The following TK2 variants were observed in gnomAD, a reference collection of about 807,000 sequenced individuals.
TK2 encodes the protein thymidine kinase 2.
In TK2, 35 loss-of-function variants were observed where a neutral mutation model predicts 41.9. That is an observed-to-expected ratio of 0.84 (90% confidence interval 0.64 to 1.11). The LOEUF is 1.11. Ranked by LOEUF, TK2 falls within the 50% of genes least tolerant of loss-of-function variation. TK2 has a pLI of 0.00. For synonymous variants in TK2, 128 were observed against 129.1 expected, an observed-to-expected ratio of 0.99 and a Z score of 0.06; for missense variants, 320 against 351.1, an observed-to-expected ratio of 0.91 and a Z score of 0.71.
At chr16:66,519,578 C>T (rs1351649557) in intron 6 of TK2, among the ~76,000 whole-genome samples, 9 of 152,176 alleles carry the variant, frequency 5.9e-5, no homozygotes, top group Admixed American at 5.9e-4. Flanking sequence ...GGCATCTATT[C>T]CTGGTATTCC....
Position 66,550,079 on chromosome 16 carries a change from C to G in TK2, c.-18G>C. ...AGCAGCATAGCCGGGCGAGCGGATC[C>G]AGAGGCCCGGGGTTCCTTCTTGTGC... On this transcript the variant is annotated 5_prime_UTR_variant, in exon 1 of 10. Coordinates refer to ENST00000544898, the MANE Select transcript of TK2 (RefSeq NM_004614.5). 1 of 1,598,560 alleles carries G rather than the reference C, an allele frequency of 6.3e-7. No homozygotes were observed. Among genetic ancestry groups the G allele is most frequent in the South Asian group, 1.1e-5 (1 of 88,804 alleles).
At chr16:66,538,905 G>A (rs923866087) in intron 3 of TK2, among the ~76,000 whole-genome samples, 4 of 152,146 alleles carry the variant, frequency 2.6e-5, no homozygotes, top group African/African-American at 9.7e-5. Flanking sequence ...GGATCTGGCT[G>A]TATCATACAC....
intron 1 of TK2, 159 bp from the exon 2 acceptor site, chr16:66,549,168 A>G (rs1276416291): frequency 6.7e-7 from 1 of 1,492,840 alleles, no homozygotes; most frequent in African/African-American, 1.4e-5. Context: ...GGCGCGCACC[A>G]CCGTCTCGCC....
chr16:66,529,436 T>C (rs1965040463), intron 5 of TK2, among the ~76,000 whole-genome samples: 1 of 152,216 alleles, frequency 6.6e-6, no homozygotes, highest in Non-Finnish European at 1.5e-5. Flanking sequence ...AGGCAACATG[T>C]GGTGACTACC....
chr16:66,530,384 C>T (rs981411083), intron 5 of TK2, among the ~76,000 whole-genome samples: 1 of 152,170 alleles, frequency 6.6e-6, no homozygotes, highest in Non-Finnish European at 1.5e-5. Flanking sequence ...CTCCACAGCC[C>T]CCTTTCTTCT....
intron 6 of TK2, among the ~76,000 whole-genome samples, chr16:66,520,983 G>A (rs1175338681): frequency 6.6e-6 from 1 of 152,200 alleles, no homozygotes; most frequent in African/African-American, 2.4e-5. Flanking sequence ...GCACCAAAGG[G>A]GTGGGGCCAG....
At chr16:66,537,726 T>C (rs1321977510) in intron 3 of TK2, among the ~76,000 whole-genome samples, 2 of 152,190 alleles carry the variant, frequency 1.3e-5, no homozygotes, top group Admixed American at 1.3e-4. Context: ...TATGCAGGTG[T>C]GTGCTAGAAA....
chr16:66,523,833 A>AAAAAAAC (rs940780661), intron 6 of TK2, among the ~76,000 whole-genome samples: 9 of 152,102 alleles, frequency 5.9e-5, no homozygotes, highest in Non-Finnish European at 8.8e-5. Context: ...TCTCAAAATC[A>AAAAAAAC]AAAAAACAAA....
chr16:66,545,109 A>G (rs1965567393), intron 2 of TK2, among the ~76,000 whole-genome samples: 1 of 152,076 alleles, frequency 6.6e-6, no homozygotes, highest in Non-Finnish European at 1.5e-5. Flanking sequence ...AAAAAAAAAA[A>G]AAGAAATACA....
chr16:66,547,254 G>A (rs183756847), intron 2 of TK2, among the ~76,000 whole-genome samples: 6 of 151,996 alleles, frequency 3.9e-5, no homozygotes, highest in Admixed American at 6.6e-5. Context: ...ACTCAGCTGC[G>A]GGCTCTGTGC....
chr16:66,545,979 A>G lies in TK2; in HGVS notation c.156+2999T>C, dbSNP rs552529806. On this transcript the variant is annotated intron_variant, in intron 2 of 9. Coordinates refer to ENST00000544898, the MANE Select transcript of TK2 (RefSeq NM_004614.5). Reference sequence around the variant, plus strand: ...CACCTGGGGCCAGAAGAGATTGCAAATGGGCACAAGGTTTCTTTTTGGAGT... The same window carrying G: ...CACCTGGGGCCAGAAGAGATTGCAAGTGGGCACAAGGTTTCTTTTTGGAGT... Among the ~76,000 whole-genome samples, 28 of 152,294 alleles carry G rather than the reference A, an allele frequency of 1.8e-4. No individual in the cohort carries two copies. The South Asian group carries it at 5.8e-3, about 32-fold the overall frequency.
chr16:66,533,718 A>T (rs1965189551), intron 4 of TK2, among the ~76,000 whole-genome samples: 1 of 152,030 alleles, frequency 6.6e-6, no homozygotes, highest in Non-Finnish European at 1.5e-5. Context: ...TTAAGAAATG[A>T]CTGGATCGGC....
At position 66,550,041 on chromosome 16, in the gene TK2, C is replaced by T. The variant is rs1308052078; in HGVS notation, c.21G>A (p.Arg7=). Residue 7 remains arginine (R), a synonymous_variant, in exon 1 of 10, where the codon CGG becomes CGA. Transcript: ENST00000544898. The part of the protein sequence containing the change: MLLWPL[R]GWAARALRCF... ...AGCGCAGCGCCCGGGCGGCCCAGCC[C>T]CGCAGCGGCCACAGCAGCATAGCCG... The T allele has an allele frequency of 1.9e-6, 3 of 1,563,282 alleles. No homozygotes were observed. The highest frequency in any genetic ancestry group is 2.6e-6 in the Non-Finnish European group (3 of 1,155,478).
rs1374465396 is a variant in TK2, at chr16:66,548,981, T to C, written c.153A>G (p.Ser51=). 4.3e-6 allele frequency: 7 copies of C among 1,613,348 alleles called. No individual in the cohort carries two copies. The highest frequency in any genetic ancestry group is 5.9e-6 in the Non-Finnish European group (7 of 1,179,420). ...TACACATAAAAGAGGGACTTACCAC[T>C]GATTTTTTCTCTTTTTCCTGTTCTT... The part of the protein sequence containing the change: ...PDKEQEKEKK[S]VICVEGNIAS... The change falls in exon 2 of 10, where the codon TCA becomes TCG. Residue 51 remains serine (S), a synonymous_variant. Coordinates refer to ENST00000544898, the MANE Select transcript of TK2 (RefSeq NM_004614.5).
intron 4 of TK2, among the ~76,000 whole-genome samples, chr16:66,533,335 CAAA>C (rs57612451): frequency 1.0e-3 from 46 of 45,106 alleles, no homozygotes; most frequent in African/African-American, 2.7e-3. Context: ...GACTCCATCT[CAAA>C]AAAAAAAAAA....
rs1017394610 is a variant in TK2 at position 66,508,684 on chromosome 16, G to A, written c.*3284C>T. 7.2e-5 allele frequency: 11 copies of A among 152,242 alleles called. No individual in the cohort carries two copies. Among genetic ancestry groups the A allele is most frequent in the Non-Finnish European group, 1.2e-4 (8 of 68,052 alleles). 9.4% of individuals were successfully genotyped at this position (152,242 alleles called of 1,614,324 possible). A position where few individuals can be genotyped will look rare whatever the true frequency, so the allele number is the denominator to read the frequency against. On this transcript the variant is annotated 3_prime_UTR_variant, in exon 10 of 10. Transcript: ENST00000544898. ...GGTTTAAATGGCACCACCGTCACTCGGGTCTAATGGTGCATGTCTGCAGGA... is the reference window on the plus strand; with the variant it reads ...GGTTTAAATGGCACCACCGTCACTCAGGTCTAATGGTGCATGTCTGCAGGA...
chr16:66,538,006 T>C (rs185093082), intron 3 of TK2, among the ~76,000 whole-genome samples: 66 of 152,076 alleles, frequency 4.3e-4, no homozygotes, highest in Admixed American at 2.9e-3. Context: ...CTACTAAAAA[T>C]ACAAAAATTA....
chr16:66,527,658 G>C (rs1456056944), intron 6 of TK2, among the ~76,000 whole-genome samples: 1 of 152,190 alleles, frequency 6.6e-6, no homozygotes, highest in Non-Finnish European at 1.5e-5. Flanking sequence ...TGCCATTTTT[G>C]TAGGTCATAA....
intron 6 of TK2, among the ~76,000 whole-genome samples, chr16:66,521,308 G>A (rs1964773456): frequency 3.3e-5 from 5 of 152,212 alleles, no homozygotes; most frequent in Admixed American, 3.3e-4. Context: ...CGGTGGCTCT[G>A]CCCCTGCCAC....
Sources: gnomAD v4.1 joint callset for allele counts (sites outside exome capture counted in the v4.1 genomes callset) on GRCh38, gnomAD v4.1.1 for gene constraint, MANE v1.5 for transcripts, NCBI Gene and HGNC (gene_info 2026-07-23, HGNC 2026-07-21) for gene names.